The following CFAP299 variants were observed in gnomAD, a reference collection of about 807,000 sequenced individuals.
CFAP299 encodes the protein cilia- and flagella-associated protein 299.
CFAP299 carries 21 observed loss-of-function variants against 27.0 expected under a neutral mutation model. The observed-to-expected ratio is 0.78, with a 90% CI of 0.55 to 1.12. CFAP299 has a LOEUF of 1.12. Among genes scored for constraint, CFAP299 ranks in the 50% most tolerant of loss-of-function variants. The pLI, the probability that CFAP299 is intolerant of heterozygous loss-of-function variation, is 0.00. For synonymous variants in CFAP299, 104 were observed against 98.1 expected (o/e 1.06, Z -0.36); for missense variants, 310 against 276.6 (o/e 1.12, Z -0.86).
chr4:80,595,544 C>T (rs1029582422), intron 3 of CFAP299, among the ~76,000 whole-genome samples: 1 of 152,026 alleles, frequency 6.6e-6, no homozygotes, highest in Non-Finnish European at 1.5e-5. Context: ...TTTGATAGGC[C>T]AGTTCTACAG....
intron 2 of CFAP299, among the ~76,000 whole-genome samples, chr4:80,380,659 C>T (rs1271166698): frequency 1.3e-5 from 2 of 152,118 alleles, no homozygotes; most frequent in Non-Finnish European, 2.9e-5. Flanking sequence ...AAACTCCTGA[C>T]CTCAGGTGAA....
intron 2 of CFAP299, among the ~76,000 whole-genome samples, chr4:80,579,668 G>A (rs1736068387): frequency 6.6e-6 from 1 of 151,778 alleles, no homozygotes; most frequent in African/African-American, 2.4e-5. Flanking sequence ...ATTTTCTTTG[G>A]AACTTTCATA....
chr4:80,732,528 C>T (rs1414844946), intron 3 of CFAP299, among the ~76,000 whole-genome samples: 1 of 152,088 alleles, frequency 6.6e-6, no homozygotes, highest in East Asian at 1.9e-4. Flanking sequence ...TTCTTTAATT[C>T]TAATTTTTCC....
chr4:80,499,931 C>G (rs1014998768), intron 2 of CFAP299, among the ~76,000 whole-genome samples: 1 of 151,934 alleles, frequency 6.6e-6, no homozygotes, highest in Non-Finnish European at 1.5e-5. Flanking sequence ...TAGTCTAGCT[C>G]TAAGGAATTT....
At chr4:80,497,231 C>T (rs769651534) in intron 2 of CFAP299, among the ~76,000 whole-genome samples, 1 of 152,132 alleles carries the variant, frequency 6.6e-6, no homozygotes, top group Non-Finnish European at 1.5e-5. Context: ...GATCGCACCA[C>T]TGCACTGCAG....
chr4:80,487,993 A>G (rs954906848), intron 2 of CFAP299, among the ~76,000 whole-genome samples: 1 of 152,356 alleles, frequency 6.6e-6, no homozygotes, highest in African/African-American at 2.4e-5. Flanking sequence ...ATTCTTATGC[A>G]TGCTAGTTTT....
intron 3 of CFAP299, among the ~76,000 whole-genome samples, chr4:80,701,781 T>G (rs1041550244): frequency 1.7e-4 from 26 of 152,000 alleles, no homozygotes; most frequent in African/African-American, 6.3e-4. Flanking sequence ...ATACCAGGCT[T>G]ATAAAACGGA....
In CFAP299 at chr4:80,793,099, A is replaced by ATGTGTGTG. The variant is rs149555055; in HGVS notation, c.334-76872_334-76865dup. ...ATAGGATATTTATATCCTATTAGTTATGTGTGTGTGTGTGTGTGTGTGTGT... is the reference window on the plus strand; with the variant it reads ...ATAGGATATTTATATCCTATTAGTTATGTGTGTGTGTGTGTGTGTGTGTGTGTGTGTGT... On this transcript the variant is annotated intron_variant, in intron 3 of 5. Transcript: ENST00000358105. Among the ~76,000 whole-genome samples, 145 of 145,232 alleles carry ATGTGTGTG rather than the reference A, an allele frequency of 1.0e-3. 2 individuals are homozygous for ATGTGTGTG. The highest frequency in any genetic ancestry group is 7.8e-3 in the East Asian group (38 of 4,894).
At chr4:80,676,456 T>G (rs1719460968) in intron 3 of CFAP299, among the ~76,000 whole-genome samples, 1 of 152,196 alleles carries the variant, frequency 6.6e-6, no homozygotes, top group Non-Finnish European at 1.5e-5. Flanking sequence ...GATATCAGGA[T>G]AATGCTGGCC....
chr4:80,856,985 T>A (rs534590648), intron 3 of CFAP299, among the ~76,000 whole-genome samples: 1 of 152,152 alleles, frequency 6.6e-6, no homozygotes, highest in African/African-American at 2.4e-5. Context: ...ATCTGTAAAT[T>A]ACCTTGGGCA....
intron 3 of CFAP299, among the ~76,000 whole-genome samples, chr4:80,857,382 T>C (rs549341220): frequency 1.7e-4 from 26 of 152,282 alleles, no homozygotes; most frequent in African/African-American, 6.0e-4. Flanking sequence ...CTTTTCCTAA[T>C]TGAATACCCT....
intron 3 of CFAP299, among the ~76,000 whole-genome samples, chr4:80,601,999 G>C (rs1212982448): frequency 6.6e-6 from 1 of 152,182 alleles, no homozygotes; most frequent in Non-Finnish European, 1.5e-5. Context: ...TTATAAGCGG[G>C]AGCTAAATGA....
chr4:80,754,063 A>G (rs1375693224), intron 3 of CFAP299, among the ~76,000 whole-genome samples: 3 of 152,012 alleles, frequency 2.0e-5, no homozygotes, highest in East Asian at 3.9e-4. Flanking sequence ...ATGCCTCGCA[A>G]TCTTGTGGTT....
chr4:80,370,968 C>A (rs113820002), intron 2 of CFAP299, among the ~76,000 whole-genome samples: 1 of 152,254 alleles, frequency 6.6e-6, no homozygotes, highest in African/African-American at 2.4e-5. Flanking sequence ...AGAAGAGGTT[C>A]TCCATGAGGG....
At chr4:80,532,765 A>C (rs947403884) in intron 2 of CFAP299, among the ~76,000 whole-genome samples, 8 of 152,324 alleles carry the variant, frequency 5.3e-5, no homozygotes, top group Admixed American at 2.6e-4. Context: ...TGTGTTATTA[A>C]AGCAGTGAAA....
chr4:80,805,136 C>T (rs1728799140), intron 3 of CFAP299, among the ~76,000 whole-genome samples: 1 of 152,024 alleles, frequency 6.6e-6, no homozygotes, highest in Non-Finnish European at 1.5e-5. Context: ...TGTTCATTAT[C>T]TTTATTGAAA....
At chr4:80,706,993 G>A (rs185378581) in intron 3 of CFAP299, among the ~76,000 whole-genome samples, 1 of 152,036 alleles carries the variant, frequency 6.6e-6, no homozygotes, top group East Asian at 1.9e-4. Context: ...ACTGCCTCAA[G>A]TTGCCAATAA....
At chr4:80,703,462 T>C (rs1024322684) in intron 3 of CFAP299, among the ~76,000 whole-genome samples, 1 of 151,650 alleles carries the variant, frequency 6.6e-6, no homozygotes, top group African/African-American at 2.4e-5. Flanking sequence ...AAGGCAGAAG[T>C]GTACAGTAAC....
At chr4:80,728,390 G>A (rs1401475618) in intron 3 of CFAP299, among the ~76,000 whole-genome samples, 1 of 151,984 alleles carries the variant, frequency 6.6e-6, no homozygotes, top group Non-Finnish European at 1.5e-5. Context: ...ATGTTATTGT[G>A]AATTATATTT....
Sources: allele counts gnomAD v4.1 joint callset (sites outside exome capture counted in the v4.1 genomes callset), GRCh38; gene constraint gnomAD v4.1.1; transcripts MANE v1.5; gene names NCBI Gene and HGNC (gene_info 2026-07-23, HGNC 2026-07-21).